CNTN4: variants seen among roughly 807,000 people sequenced by gnomAD.
CNTN4 encodes contactin 4.
A neutral mutation model predicts 122.5 loss-of-function variants in CNTN4; 77 were observed. The observed-to-expected ratio is 0.63, with a 90% CI of 0.52 to 0.76. CNTN4 has a LOEUF of 0.76. Ranked by LOEUF, CNTN4 falls within the 30% of genes least tolerant of loss-of-function variation. The probability of loss-of-function intolerance (pLI) is 0.00; values close to 1 mark genes in which losing one functional copy is unlikely to be tolerated. For synonymous variants in CNTN4, 512 were observed against 447.0 expected, an observed-to-expected ratio of 1.15 and a Z score of -1.83; for missense variants, 1,256 against 1,259.1, an observed-to-expected ratio of 1.00 and a Z score of 0.04.
In CNTN4 at chr3:2,683,570, C is replaced by G. The variant is rs143540024; in HGVS notation, c.56-52645C>G. ...AAATGAACACACTTCGAATGTTTTT[C>G]CATTATTATTGATGTTGATAATGGT... is the stretch of plus-strand genomic sequence containing the variant. On this transcript the variant is annotated intron_variant, in intron 4 of 24. Transcript: ENST00000418658. Among the ~76,000 whole-genome samples, 1,341 of 151,802 alleles carry G rather than the reference C, an allele frequency of 8.8e-3. 25 individuals carry two copies. Among genetic ancestry groups the G allele is most frequent in the African/African-American group, 0.031 (1,269 of 41,366 alleles).
intron 3 of CNTN4, among the ~76,000 whole-genome samples, chr3:2,555,551 G>A (rs977993758): frequency 6.6e-6 from 1 of 152,106 alleles, no homozygotes; most frequent in Non-Finnish European, 1.5e-5. Context: ...CATATGAGAA[G>A]TACTAAACTG....
intron 3 of CNTN4, among the ~76,000 whole-genome samples, chr3:2,444,999 T>TA (rs530580099): frequency 0.013 from 1,837 of 137,824 alleles, 15 homozygotes; most frequent in African/African-American, 0.019. Context: ...TCTTACTATG[T>TA]AAAAAAAAAA....
chr3:2,970,285 C>T (rs1692772531), intron 13 of CNTN4, among the ~76,000 whole-genome samples: 1 of 151,928 alleles, frequency 6.6e-6, no homozygotes, highest in Non-Finnish European at 1.5e-5. Flanking sequence ...TTTGTAGAAA[C>T]AGGGCCTAGC....
intron 2 of CNTN4, among the ~76,000 whole-genome samples, chr3:2,239,387 C>T (rs780953798): frequency 1.3e-5 from 2 of 152,140 alleles, no homozygotes; most frequent in Non-Finnish European, 2.9e-5. Context: ...CACACAGATA[C>T]ATGCACAGAC....
At chr3:2,321,280 A>G (rs922689659) in intron 2 of CNTN4, among the ~76,000 whole-genome samples, 8 of 152,170 alleles carry the variant, frequency 5.3e-5, no homozygotes, top group African/African-American at 1.7e-4. Context: ...CAGGAGTCAC[A>G]TAGATATGGG....
rs150657386 is a variant in CNTN4 at position 2,737,757 on chromosome 3, G to A, written c.182+1416G>A. Among the ~76,000 whole-genome samples the A allele has an allele frequency of 9.1e-3, 1,380 of 152,272 alleles. 19 individuals are homozygous for A. The highest frequency in any genetic ancestry group is 0.031 in the African/African-American group (1,284 of 41,558). On this transcript the variant is annotated intron_variant, in intron 5 of 24. Transcript: ENST00000418658. ...CAAGACAAAGCCTAGACAACCCACA[G>A]GAGAATCCAACATGAGAACATCTCC... is the stretch of plus-strand genomic sequence containing the variant.
chr3:2,562,477 C>T (rs1453410512), intron 3 of CNTN4, among the ~76,000 whole-genome samples: 1 of 152,080 alleles, frequency 6.6e-6, no homozygotes, highest in Non-Finnish European at 1.5e-5. Context: ...TGAGATCACC[C>T]AGTATTTGTT....
rs371091035 is a variant in CNTN4 at position 2,616,166 on chromosome 3, G to T, written c.55+44608G>T. Among the ~76,000 whole-genome samples the T allele has an allele frequency of 4.6e-5, 7 of 151,482 alleles. No individual in the cohort carries two copies. In the East Asian group the frequency reaches 9.8e-4, roughly 21 times the overall value. On this transcript the variant is annotated intron_variant, in intron 4 of 24. Transcript: ENST00000418658. ...CCCTAACCCCCCATCCCCCCAACAG[G>T]CCCAGTGTGTGTTGTTCCCCTCCCT... is the stretch of plus-strand genomic sequence containing the variant.
chr3:2,656,720 A>G (rs2083606613), intron 4 of CNTN4, among the ~76,000 whole-genome samples: 1 of 152,248 alleles, frequency 6.6e-6, no homozygotes, highest in Non-Finnish European at 1.5e-5. Context: ...CTTATGTACA[A>G]AAATCTTTCT....
intron 3 of CNTN4, among the ~76,000 whole-genome samples, chr3:2,473,562 T>C (rs189848781): frequency 4.2e-4 from 64 of 152,314 alleles, no homozygotes; most frequent in African/African-American, 1.4e-3. Flanking sequence ...TGGCCACTTG[T>C]AGCTGATGGT....
chr3:2,922,396 C>T (rs1224537033), intron 12 of CNTN4, among the ~76,000 whole-genome samples: 2 of 152,134 alleles, frequency 1.3e-5, no homozygotes, highest in Admixed American at 6.5e-5. Flanking sequence ...GATCATCCTA[C>T]AAGCTGAACA....
At chr3:2,419,601 A>G (rs2047542272) in intron 3 of CNTN4, among the ~76,000 whole-genome samples, 1 of 152,208 alleles carries the variant, frequency 6.6e-6, no homozygotes, top group African/African-American at 2.4e-5. Context: ...TTAAATGTCA[A>G]ATAGCATTGT....
intron 2 of CNTN4, among the ~76,000 whole-genome samples, chr3:2,172,068 G>T (rs1192436046): frequency 6.6e-6 from 1 of 152,082 alleles, no homozygotes; most frequent in Non-Finnish European, 1.5e-5. Context: ...TGCATCCAGG[G>T]GAAAGCTATT....
intron 3 of CNTN4, among the ~76,000 whole-genome samples, chr3:2,372,361 G>C (rs1295344284): frequency 6.6e-6 from 1 of 152,210 alleles, no homozygotes; most frequent in Non-Finnish European, 1.5e-5. Context: ...ATAGAATGTA[G>C]AATCCAAAGG....
intron 6 of CNTN4, among the ~76,000 whole-genome samples, chr3:2,775,920 A>T (rs528601894): frequency 6.6e-6 from 1 of 152,322 alleles, no homozygotes; most frequent in East Asian, 1.9e-4. Flanking sequence ...TGACCCATAT[A>T]TGCAGTTAAC....
In CNTN4 at chr3:2,522,969, A is replaced by C. The variant is rs368802846; in HGVS notation, c.-88-48447A>C. Among the ~76,000 whole-genome samples the C allele has an allele frequency of 1.7e-3, 252 of 152,250 alleles. 1 individual carries two copies. Among genetic ancestry groups the C allele is most frequent in the Non-Finnish European group, 3.0e-3 (201 of 68,016 alleles). ...TTTGCATCTCATTTTGTATTACACT[A>C]TTTTATGCCCTAAATCTTTGCTTTC... On this transcript the variant is annotated intron_variant, in intron 3 of 24. Coordinates refer to ENST00000418658, the MANE Select transcript of CNTN4 (RefSeq NM_175607.3).
intron 4 of CNTN4, among the ~76,000 whole-genome samples, chr3:2,693,413 A>G (rs2085849554): frequency 6.6e-6 from 1 of 152,186 alleles, no homozygotes; most frequent in South Asian, 2.1e-4. Context: ...AACTGTTTAG[A>G]TGCAGGCAGA....
At chr3:2,751,702 T>G (rs759180598) in intron 6 of CNTN4, among the ~76,000 whole-genome samples, 11 of 152,008 alleles carry the variant, frequency 7.2e-5, no homozygotes, top group Non-Finnish European at 1.5e-4. Flanking sequence ...CAGCCCAGCA[T>G]CCCGGTCTAA....
intron 3 of CNTN4, among the ~76,000 whole-genome samples, chr3:2,461,338 ATTAT>A (rs1320011578): frequency 1.3e-5 from 2 of 151,830 alleles, no homozygotes; most frequent in Admixed American, 6.6e-5. Context: ...TTAATTATTA[ATTAT>A]TAATTAATTA....
Sources: gnomAD v4.1 joint callset for allele counts (sites outside exome capture counted in the v4.1 genomes callset) on GRCh38, gnomAD v4.1.1 for gene constraint, MANE v1.5 for transcripts, NCBI Gene and HGNC (gene_info 2026-07-23, HGNC 2026-07-21) for gene names.